The following SHQ1 variants were observed in gnomAD, a reference collection of about 807,000 sequenced individuals.
The protein encoded by SHQ1 is SHQ1, H/ACA ribonucleoprotein assembly factor.
Under a neutral mutation model 53.8 loss-of-function variants are expected in SHQ1, and 49 were observed. The observed-to-expected ratio is 0.91, with a 90% CI of 0.72 to 1.16. SHQ1 has a LOEUF of 1.16. Among genes scored for constraint, SHQ1 ranks in the 50% most tolerant of loss-of-function variants. The probability of loss-of-function intolerance (pLI) is 0.00; values close to 1 mark genes in which losing one functional copy is unlikely to be tolerated. For synonymous variants in SHQ1, 243 were observed against 251.0 expected, an observed-to-expected ratio of 0.97 and a Z score of 0.30; for missense variants, 738 against 683.1, an observed-to-expected ratio of 1.08 and a Z score of -0.90.
rs1575694915 is a variant in SHQ1 at position 72,790,156 on chromosome 3, G to C, written c.1181+2760C>G. ...TGGTAAAATCTGTAACTCAGAATGA[G>C]AGGCCAGGAGCTTCAGTTTCTCAGC... On this transcript the variant is annotated intron_variant, in intron 10 of 10. Coordinates refer to ENST00000325599, the MANE Select transcript of SHQ1 (RefSeq NM_018130.3). 2.0e-5 allele frequency among the ~76,000 whole-genome samples: 3 copies of C among 152,118 alleles called. No homozygotes were observed. The South Asian group carries it at 6.2e-4, about 32-fold the overall frequency.
intron 10 of SHQ1, among the ~76,000 whole-genome samples, chr3:72,790,627 A>C (rs1706404961): frequency 6.6e-6 from 1 of 152,224 alleles, no homozygotes; most frequent in Non-Finnish European, 1.5e-5. Flanking sequence ...AGAAGTTCAC[A>C]GTAAAGAAAA....
intron 8 of SHQ1, among the ~76,000 whole-genome samples, chr3:72,813,624 G>C (rs1290816384): frequency 6.6e-6 from 1 of 151,726 alleles, no homozygotes; most frequent in Admixed American, 6.6e-5. Context: ...AGCCGGGCGT[G>C]GTGGCAGGTG....
the SHQ1 span, among the ~76,000 whole-genome samples, chr3:72,734,932 A>G: frequency 6.6e-6 from 1 of 151,562 alleles, no homozygotes; most frequent in South Asian, 2.1e-4. Context: ...TGATCCCTGC[A>G]GTAGGAGCTG....
intron 7 of SHQ1, 131 bp from the exon 8 acceptor site, chr3:72,815,534 T>C: frequency 1.7e-6 from 1 of 600,998 alleles, no homozygotes; most frequent in Admixed American, 2.9e-5. Flanking sequence ...TGTTCACGAC[T>C]ATAGAAAAAT....
chr3:72,811,416 A>G (rs956954509), intron 9 of SHQ1, among the ~76,000 whole-genome samples: 1 of 152,238 alleles, frequency 6.6e-6, no homozygotes, highest in Admixed American at 6.5e-5. Context: ...TAGCAATTCA[A>G]AAAATATCTT....
the SHQ1 span, among the ~76,000 whole-genome samples, chr3:72,734,657 C>A: frequency 1.3e-5 from 2 of 151,586 alleles, no homozygotes; most frequent in African/African-American, 4.9e-5. Flanking sequence ...TAGCAATTCA[C>A]CCCTAATAAA....
chr3:72,811,845 G>C (rs1707132532), intron 9 of SHQ1, among the ~76,000 whole-genome samples: 2 of 152,070 alleles, frequency 1.3e-5, no homozygotes, highest in African/African-American at 4.8e-5. Flanking sequence ...TGAAAACCAA[G>C]CTCCCAGAAA....
At chr3:72,754,244 G>A (rs1028659660) in intron 10 of SHQ1, among the ~76,000 whole-genome samples, 9 of 152,084 alleles carry the variant, frequency 5.9e-5, no homozygotes, top group Admixed American at 1.3e-4. Context: ...TAGGAGAGCC[G>A]CTGAGGTTCA....
At chr3:72,776,676 TAAAG>T (rs1326111831) in intron 10 of SHQ1, among the ~76,000 whole-genome samples, 1 of 151,984 alleles carries the variant, frequency 6.6e-6, no homozygotes, top group East Asian at 1.9e-4. Context: ...TGAAAGACAT[TAAAG>T]AAAACTTAAG....
the SHQ1 span, among the ~76,000 whole-genome samples, chr3:72,737,335 C>T: frequency 1.3e-5 from 2 of 151,890 alleles, no homozygotes; most frequent in Admixed American, 1.3e-4. Flanking sequence ...GTTAAAACCA[C>T]AGCCACGGAA....
At chr3:72,794,147 T>C (rs1280319713) in intron 9 of SHQ1, 1 of 152,226 alleles carries the variant, frequency 6.6e-6, no homozygotes, top group Admixed American at 6.5e-5. Flanking sequence ...TTTACAGTTC[T>C]GAAACGCGGA....
chr3:72,827,391 G>A (rs766574674), intron 5 of SHQ1, among the ~76,000 whole-genome samples: 1 of 152,042 alleles, frequency 6.6e-6, no homozygotes, highest in Non-Finnish European at 1.5e-5. Flanking sequence ...AGAGAAAAGG[G>A]CCTTGGACAC....
intron 10 of SHQ1, among the ~76,000 whole-genome samples, chr3:72,768,327 G>A (rs1430839516): frequency 3.3e-5 from 5 of 152,176 alleles, no homozygotes; most frequent in Non-Finnish European, 1.5e-5. Context: ...TAGTGCTCCC[G>A]ATGGCAAGGC....
chr3:72,846,768 T>TG (rs1357209543), intron 1 of SHQ1, among the ~76,000 whole-genome samples: 5 of 152,130 alleles, frequency 3.3e-5, no homozygotes, highest in African/African-American at 7.2e-5. Context: ...GGACAAGAGT[T>TG]GGGGGGGTGC....
intron 10 of SHQ1, among the ~76,000 whole-genome samples, chr3:72,758,530 A>C (rs1575675967): frequency 6.6e-6 from 1 of 151,254 alleles, no homozygotes; most frequent in East Asian, 1.9e-4. Context: ...AAAATATATA[A>C]ATTTATTTTT....
chr3:72,729,568 G>A, the SHQ1 span, among the ~76,000 whole-genome samples: 4 of 152,070 alleles, frequency 2.6e-5, no homozygotes, highest in Non-Finnish European at 5.9e-5. Flanking sequence ...ATGAAGAAAT[G>A]CTTAATTAAA....
chr3:72,801,345 T>C (rs1172652646), intron 9 of SHQ1, among the ~76,000 whole-genome samples: 1 of 152,206 alleles, frequency 6.6e-6, no homozygotes, highest in East Asian at 1.9e-4. Flanking sequence ...TTCAATGCCC[T>C]TTGTGGTTTT....
At chr3:72,740,438 G>A in the SHQ1 span, among the ~76,000 whole-genome samples, 1 of 152,194 alleles carries the variant, frequency 6.6e-6, no homozygotes, top group Non-Finnish European at 1.5e-5. Flanking sequence ...AGGAGATAGG[G>A]CCTTTGATCA....
chr3:72,800,192 A>G (rs766321105), intron 9 of SHQ1, among the ~76,000 whole-genome samples: 26 of 152,200 alleles, frequency 1.7e-4, no homozygotes, highest in Non-Finnish European at 3.4e-4. Flanking sequence ...CCACGTTCTG[A>G]TACAGCAAGA....
Sources: gnomAD v4.1 joint callset for allele counts (sites outside exome capture counted in the v4.1 genomes callset) on GRCh38, gnomAD v4.1.1 for gene constraint, MANE v1.5 for transcripts, NCBI Gene and HGNC (gene_info 2026-07-23, HGNC 2026-07-21) for gene names.